Variants in TBC1D22A observed in about 807,000 individuals in gnomAD.
TBC1D22A encodes putative GTPase activator.
In TBC1D22A, 38 loss-of-function variants were observed where a neutral mutation model predicts 60.2. The observed-to-expected ratio is 0.63, with a 90% confidence interval of 0.49 to 0.83. TBC1D22A has a LOEUF of 0.83. Ranked by LOEUF, TBC1D22A falls within the 40% of genes least tolerant of loss-of-function variation. The pLI is 0.00. For synonymous variants in TBC1D22A, 302 were observed against 281.7 expected, an observed-to-expected ratio of 1.07 and a Z score of -0.72; for missense variants, 628 against 701.0, an observed-to-expected ratio of 0.90 and a Z score of 1.18.
At chr22:47,146,016 T>C (rs1476323832) in intron 12 of TBC1D22A, among the ~76,000 whole-genome samples, 1 of 147,342 alleles carries the variant, frequency 6.8e-6, no homozygotes, top group Non-Finnish European at 1.5e-5. Flanking sequence ...AAAGCAGGGG[T>C]TGACCAGGAG....
intron 12 of TBC1D22A, among the ~76,000 whole-genome samples, chr22:47,115,397 C>T (rs1479803293): frequency 1.3e-5 from 2 of 151,412 alleles, no homozygotes; most frequent in East Asian, 1.9e-4. Context: ...GGGGCCTCTC[C>T]GCTGAGCCCT....
chr22:46,878,552 C>T (rs1423174272), intron 4 of TBC1D22A, 101 bp from the exon 5 acceptor site: 1 of 920,798 alleles, frequency 1.1e-6, no homozygotes, highest in Admixed American at 1.8e-5. Context: ...TTATGGGGCT[C>T]CTTGCCTCCT....
At chr22:47,115,548 G>A (rs374677623) in intron 12 of TBC1D22A, among the ~76,000 whole-genome samples, 41 of 152,174 alleles carry the variant, frequency 2.7e-4, no homozygotes, top group Admixed American at 2.6e-3. Flanking sequence ...TGTGTGTCCC[G>A]CGGTGCCCGC....
intron 4 of TBC1D22A, among the ~76,000 whole-genome samples, chr22:46,831,835 T>G (rs2086321341): frequency 6.6e-6 from 1 of 152,236 alleles, no homozygotes; most frequent in African/African-American, 2.4e-5. Context: ...GAAGGAGCGA[T>G]AGATCATCGT....
chr22:46,962,714 C>A (rs2073575150), intron 8 of TBC1D22A, among the ~76,000 whole-genome samples: 1 of 152,134 alleles, frequency 6.6e-6, no homozygotes, highest in Non-Finnish European at 1.5e-5. Flanking sequence ...ATGGGAGATC[C>A]CTGTTACAAA....
intron 5 of TBC1D22A, among the ~76,000 whole-genome samples, chr22:46,879,766 C>T (rs575955458): frequency 4.9e-4 from 75 of 152,234 alleles, no homozygotes; most frequent in African/African-American, 1.6e-3. Context: ...ATGAAAACAC[C>T]GAATTGCCGT....
At chr22:46,843,380 G>A (rs2086857805) in intron 4 of TBC1D22A, among the ~76,000 whole-genome samples, 1 of 152,086 alleles carries the variant, frequency 6.6e-6, no homozygotes, top group South Asian at 2.1e-4. Flanking sequence ...TGGCTGCCCG[G>A]CCGGTGCTGC....
At chr22:46,992,467 C>T (rs116477141) in intron 9 of TBC1D22A, among the ~76,000 whole-genome samples, 10 of 152,198 alleles carry the variant, frequency 6.6e-5, no homozygotes, top group Admixed American at 5.2e-4. Flanking sequence ...AGTGTAGGCC[C>T]GCCGAGTCAT....
In TBC1D22A at chr22:47,062,288, G is replaced by A. The variant is rs550341643; in HGVS notation, c.1329+25090G>A. ...GCCTCCTGAATCGGAAGCTCTGGGT[G>A]TCCCGGCAGTCTGTGTGCTCCTGGG... On this transcript the variant is annotated intron_variant, in intron 11 of 12. Transcript: ENST00000337137. Among the ~76,000 whole-genome samples, 6 of 152,168 alleles carry A rather than the reference G, an allele frequency of 3.9e-5. No homozygotes were observed. The South Asian group carries it at 8.3e-4, about 21-fold the overall frequency.
intron 6 of TBC1D22A, among the ~76,000 whole-genome samples, chr22:46,892,617 G>A (rs1883754755): frequency 6.6e-6 from 1 of 152,220 alleles, no homozygotes; most frequent in South Asian, 2.1e-4. Flanking sequence ...AGCTTACCTG[G>A]CCTCTTTTGC....
intron 4 of TBC1D22A, among the ~76,000 whole-genome samples, chr22:46,863,167 C>T (rs895235455): frequency 6.6e-5 from 10 of 152,144 alleles, no homozygotes; most frequent in African/African-American, 1.2e-4. Context: ...ACATGCGCCC[C>T]GTCCTCCCAG....
intron 11 of TBC1D22A, among the ~76,000 whole-genome samples, chr22:47,075,797 G>GACACACACACAC (rs145664340): frequency 1.3e-5 from 2 of 149,496 alleles, no homozygotes; most frequent in African/African-American, 4.9e-5. Flanking sequence ...ATTCATGATT[G>GACACACACACAC]ACACACACAC....
intron 11 of TBC1D22A, among the ~76,000 whole-genome samples, chr22:47,047,569 G>T (rs1284595843): frequency 6.6e-6 from 1 of 152,208 alleles, no homozygotes; most frequent in Non-Finnish European, 1.5e-5. Context: ...TGGGGCTGTC[G>T]GGAAGCACCG....
At chr22:46,965,794 G>A (rs2073774013) in intron 8 of TBC1D22A, among the ~76,000 whole-genome samples, 1 of 152,232 alleles carries the variant, frequency 6.6e-6, no homozygotes, top group South Asian at 2.1e-4. Flanking sequence ...TGGTTCTCCG[G>A]CAGTGTGTTT....
intron 10 of TBC1D22A, among the ~76,000 whole-genome samples, chr22:47,023,510 G>A (rs147198456): frequency 6.6e-6 from 1 of 152,146 alleles, no homozygotes; most frequent in South Asian, 2.1e-4. Flanking sequence ...AATGCCAACC[G>A]AGCAGAAAAC....
At chr22:47,041,123 G>T (rs9615454) in intron 11 of TBC1D22A, among the ~76,000 whole-genome samples, 117 of 151,990 alleles carry the variant, frequency 7.7e-4, no homozygotes, top group African/African-American at 2.8e-3. Context: ...TTTATTTTTG[G>T]CAGGTGAGTA....
chr22:46,861,141 A>G (rs1467941998), intron 4 of TBC1D22A, among the ~76,000 whole-genome samples: 1 of 151,916 alleles, frequency 6.6e-6, no homozygotes, highest in African/African-American at 2.4e-5. Flanking sequence ...ATTTTTTTGT[A>G]GAGATGGAGT....
At chr22:47,116,157 G>A (rs922407415) in intron 12 of TBC1D22A, 1 of 152,244 alleles carries the variant, frequency 6.6e-6, no homozygotes, top group African/African-American at 2.4e-5. Flanking sequence ...CCGCCCACGC[G>A]GGATCGATTG....
Position 47,088,597 on chromosome 22 carries a change from AT to A in TBC1D22A, c.1330-22900del, listed in dbSNP as rs201087156. 8.2e-3 allele frequency among the ~76,000 whole-genome samples: 1,219 copies of A among 149,036 alleles called. 14 individuals carry two copies. The highest frequency in any genetic ancestry group is 0.024 in the African/African-American group (968 of 40,994). On this transcript the variant is annotated intron_variant, in intron 11 of 12. Coordinates refer to ENST00000337137, the MANE Select transcript of TBC1D22A (RefSeq NM_014346.5). ...AGTATTCTATTTTCCTGCTAATCAA[AT>A]TTTTTTTTTTGACGGCAAGTTATTC... is the stretch of plus-strand genomic sequence containing the variant.
Sources: gnomAD v4.1 joint callset for allele counts (sites outside exome capture counted in the v4.1 genomes callset) on GRCh38, gnomAD v4.1.1 for gene constraint, MANE v1.5 for transcripts, NCBI Gene and HGNC (gene_info 2026-07-23, HGNC 2026-07-21) for gene names.